The following KRAS variants were observed in gnomAD, a reference collection of about 807,000 sequenced individuals.
KRAS encodes GTPase KRas.
A neutral mutation model predicts 21.0 loss-of-function variants in KRAS; 1 was observed. The observed-to-expected ratio is 0.05, with a 90% confidence interval of 0.02 to 0.23. The LOEUF (loss-of-function observed/expected upper bound fraction) is 0.23. KRAS is among the 10% of genes least tolerant of loss of function. KRAS has a pLI of 1.00. For synonymous variants in KRAS, 67 were observed against 72.5 expected (o/e 0.92, Z 0.39); for missense variants, 107 against 221.8 (o/e 0.48, Z 3.29).
chr12:25,235,135 T>G, intron 2 of KRAS: 1 of 458,942 alleles, frequency 2.2e-6, no homozygotes, highest in Non-Finnish European at 4.0e-6. Flanking sequence ...AAAATGTCAA[T>G]AATGTATTAC....
intron 2 of KRAS, among the ~76,000 whole-genome samples, chr12:25,236,067 C>G (rs943727931): frequency 2.0e-5 from 3 of 152,006 alleles, no homozygotes; most frequent in African/African-American, 7.2e-5. Flanking sequence ...GGGTACCAGT[C>G]CGCAGTCCAG....
chr12:25,224,709 C>G (rs1035229864), intron 4 of KRAS, among the ~76,000 whole-genome samples: 2 of 152,044 alleles, frequency 1.3e-5, no homozygotes, highest in Non-Finnish European at 2.9e-5. Context: ...GTCATTAGTA[C>G]AGTTACATAC....
chr12:25,244,750 A>G (rs771014352), intron 2 of KRAS, among the ~76,000 whole-genome samples: 5 of 152,156 alleles, frequency 3.3e-5, no homozygotes, highest in Non-Finnish European at 4.4e-5. Flanking sequence ...AAAGTTGGTA[A>G]TAGTACCTTT....
chr12:25,214,473 T>C (rs1951232615), intron 4 of KRAS, among the ~76,000 whole-genome samples: 1 of 151,830 alleles, frequency 6.6e-6, no homozygotes, highest in African/African-American at 2.4e-5. Flanking sequence ...CTGCAACCTC[T>C]GCCTCCCAGG....
At chr12:25,216,403 T>C (rs1024982630) in intron 4 of KRAS, among the ~76,000 whole-genome samples, 2 of 152,184 alleles carry the variant, frequency 1.3e-5, no homozygotes, top group African/African-American at 4.8e-5. Flanking sequence ...GCCTCTCAAA[T>C]AGCTGGGACT....
chr12:25,235,122 C>A, intron 2 of KRAS: 1 of 434,800 alleles, frequency 2.3e-6, no homozygotes, highest in South Asian at 5.0e-5. Context: ...ACTAGAACTG[C>A]TGAAAATGTC....
intron 2 of KRAS, among the ~76,000 whole-genome samples, chr12:25,244,360 G>A (rs1951649630): frequency 6.6e-6 from 1 of 152,150 alleles, no homozygotes; most frequent in South Asian, 2.1e-4. Context: ...TCAAAGACAA[G>A]GCGATATGCT....
intron 3 of KRAS, 99 bp from the exon 4 acceptor site, chr12:25,225,872 C>CA: frequency 8.9e-7 from 1 of 1,119,270 alleles, no homozygotes; most frequent in Non-Finnish European, 1.3e-6. Flanking sequence ...TGAAAGAAAA[C>CA]AATGTAATTC....
chr12:25,239,135 G>A (rs1392521077), intron 2 of KRAS, among the ~76,000 whole-genome samples: 1 of 152,162 alleles, frequency 6.6e-6, no homozygotes, highest in Admixed American at 6.5e-5. Flanking sequence ...TGAAGTAAGT[G>A]TCTTTTTATA....
At chr12:25,230,572 G>A (rs1371547524) in intron 2 of KRAS, among the ~76,000 whole-genome samples, 1 of 152,130 alleles carries the variant, frequency 6.6e-6, no homozygotes, top group East Asian at 1.9e-4. Flanking sequence ...AGGTTACGGT[G>A]AGCTGAGATT....
At chr12:25,245,422 A>C (rs755305645) in intron 1 of KRAS, 27 bp from the exon 2 acceptor site, 3 of 1,568,752 alleles carry the variant, frequency 1.9e-6, no homozygotes, top group Non-Finnish European at 2.6e-6. Context: ...TGAAAATGTG[A>C]CTATATTAGA....
Position 25,234,264 on chromosome 12 carries a change from A to G in KRAS, c.112-6852T>C, listed in dbSNP as rs181379923. On this transcript the variant is annotated intron_variant, in intron 2 of 4. Transcript: ENST00000311936. ...GATTTTAACACATTTATGGGAGGGA[A>G]GAAAATAAGACTAGGGAAAAGAATG... is the stretch of plus-strand genomic sequence containing the variant. The G allele has an allele frequency of 1.2e-4, 21 of 176,482 alleles. No homozygotes were observed. In the East Asian group the frequency reaches 1.9e-3, roughly 16 times the overall value. 10.9% of individuals were successfully genotyped at this position (176,482 alleles called of 1,614,324 possible). A position where few individuals can be genotyped will look rare whatever the true frequency, so the allele number is the denominator to read the frequency against.
intron 2 of KRAS, among the ~76,000 whole-genome samples, chr12:25,241,089 C>T (rs143736789): frequency 6.6e-6 from 1 of 152,292 alleles, no homozygotes; most frequent in Non-Finnish European, 1.5e-5. Flanking sequence ...ACAAAGTAAG[C>T]TCAGTAAGTG....
In KRAS at chr12:25,227,218, T is replaced by G; in HGVS notation, c.290+16A>C. On this transcript the variant is annotated intron_variant, in intron 3 of 4. Transcript: ENST00000311936. Reference sequence around the variant, plus strand: ...TACTCCTTAATGTCAGCTTATTATATTCAATTTAAACCCACCTATAATGGT... The same window carrying G: ...TACTCCTTAATGTCAGCTTATTATAGTCAATTTAAACCCACCTATAATGGT... 1 of 1,585,460 alleles carries G rather than the reference T, an allele frequency of 6.3e-7. No homozygotes were observed. The highest frequency in any genetic ancestry group is 8.7e-7 in the Non-Finnish European group (1 of 1,154,462).
intron 4 of KRAS, among the ~76,000 whole-genome samples, chr12:25,218,230 A>G (rs1951277055): frequency 1.0e-5 from 1 of 96,560 alleles, no homozygotes; most frequent in Non-Finnish European, 2.5e-5. Context: ...TTTCTGTTTA[A>G]AAAAAAAAAA....
At chr12:25,241,223 G>C (rs1286934918) in intron 2 of KRAS, among the ~76,000 whole-genome samples, 1 of 152,112 alleles carries the variant, frequency 6.6e-6, no homozygotes, top group African/African-American at 2.4e-5. Flanking sequence ...TATTAGCAGA[G>C]AGCAAAAATG....
chr12:25,231,092 C>CTTT (rs34361223), intron 2 of KRAS, among the ~76,000 whole-genome samples: 20 of 66,368 alleles, frequency 3.0e-4, no homozygotes, highest in African/African-American at 6.3e-4. Flanking sequence ...ACCTCACATT[C>CTTT]TTTTTTTTTT....
At chr12:25,237,442 G>T (rs548758249) in intron 2 of KRAS, among the ~76,000 whole-genome samples, 1 of 152,314 alleles carries the variant, frequency 6.6e-6, no homozygotes, top group East Asian at 1.9e-4. Flanking sequence ...GTACAAAGGG[G>T]AGGGCGAAGG....
At chr12:25,249,305 G>A (rs959352943) in intron 1 of KRAS, among the ~76,000 whole-genome samples, 1 of 152,172 alleles carries the variant, frequency 6.6e-6, no homozygotes, top group Non-Finnish European at 1.5e-5. Flanking sequence ...GCTGAGGCAG[G>A]AGAATTGCTT....
Sources: gnomAD v4.1 joint callset for allele counts (sites outside exome capture counted in the v4.1 genomes callset) on GRCh38, gnomAD v4.1.1 for gene constraint, MANE v1.5 for transcripts, NCBI Gene and HGNC (gene_info 2026-07-23, HGNC 2026-07-21) for gene names.